HEATR1: variants seen among roughly 807,000 people sequenced by gnomAD.
The protein encoded by HEATR1 is HEAT repeat-containing protein 1.
A neutral mutation model predicts 248.2 loss-of-function variants in HEATR1; 77 were observed. The ratio of observed to expected loss-of-function variants is 0.31; its 90% CI spans 0.26 to 0.37. HEATR1 has a LOEUF of 0.37. HEATR1 is among the 10% of genes least tolerant of loss of function. The pLI is 1.00. For synonymous variants in HEATR1, 897 were observed against 923.1 expected (o/e 0.97, Z 0.51); for missense variants, 2,420 against 2,504.9 (o/e 0.97, Z 0.72).
At position 236,563,272 on chromosome 1, in the gene HEATR1, CTTTTTTTTA is replaced by C. The variant is rs529003936; in HGVS notation, c.4599+1217_4599+1225del. Among the ~76,000 whole-genome samples the C allele has an allele frequency of 3.3e-3, 500 of 151,798 alleles. 4 individuals are homozygous for C. Among genetic ancestry groups the C allele is most frequent in the Middle Eastern group, 0.01 (3 of 294 alleles). On this transcript the variant is annotated intron_variant, in intron 32 of 44. Coordinates refer to ENST00000366582, the MANE Select transcript of HEATR1 (RefSeq NM_018072.6). ...CTGCACTGCTGAGAGGAGTTTTTTC[CTTTTTTTTA>C]TTTTTTTTATTTTTTCAGACAGAAT...
intron 2 of HEATR1, 59 bp downstream of exon 2, chr1:236,603,894 AC>A: frequency 1.9e-6 from 3 of 1,556,502 alleles, no homozygotes; most frequent in Non-Finnish European, 2.6e-6. Context: ...AAAAAAAAAA[AC>A]AGTAACATCC....
Position 236,586,343 on chromosome 1 carries a change from T to C in HEATR1, c.1825A>G (p.Ile609Val), listed in dbSNP as rs1255429441. The change falls in exon 15 of 45, where the codon ATC (isoleucine) becomes GTC (valine). Residue 609 changes from isoleucine (I) to valine (V), a missense_variant. By Grantham distance (29) the Ile-to-Val change is conservative (BLOSUM62 3). Coordinates refer to ENST00000366582, the MANE Select transcript of HEATR1 (RefSeq NM_018072.6). ...VVVCLLPFMV[I>V]NNDDTESAEM... ...GCAGATTCCGTATCATCATTATTGA[T>C]AACCATAAATGGCAGCAAACATACA... 1 of 1,613,054 alleles carries C rather than the reference T, an allele frequency of 6.2e-7. No individual in the cohort carries two copies. The highest frequency in any genetic ancestry group is 8.5e-7 in the Non-Finnish European group (1 of 1,179,090).
intron 13 of HEATR1, 69 bp from the exon 14 acceptor site, chr1:236,587,559 G>A (rs1663928401): frequency 1.8e-5 from 11 of 610,192 alleles, no homozygotes; most frequent in East Asian, 6.4e-5. Context: ...TTTTAAATGC[G>A]AATTTTAAAA....
At position 236,580,824 on chromosome 1, in the gene HEATR1, A is replaced by ATTTTTTTTTTTTT. The variant is rs71178327; in HGVS notation, c.2755+385_2755+397dup. ...AAGCCACCTCGCCTGGCCTTTATCG[A>ATTTTTTTTTTTTT]TTTTTTTTTTTTTTGAGATGGAGTC... On this transcript the variant is annotated intron_variant, in intron 20 of 44. Coordinates refer to ENST00000366582, the MANE Select transcript of HEATR1 (RefSeq NM_018072.6). Among the ~76,000 whole-genome samples the ATTTTTTTTTTTTT allele has an allele frequency of 6.6e-4, 84 of 126,628 alleles. 1 individual carries two copies. Among genetic ancestry groups the ATTTTTTTTTTTTT allele is most frequent in the Middle Eastern group, 4.6e-3 (1 of 218 alleles). The allele number at this position is 126,628 out of a possible 152,430, so 83.1% of individuals were successfully genotyped here. A position where few individuals can be genotyped will look rare whatever the true frequency, so the allele number is the denominator to read the frequency against.
chr1:236,579,843 T>C (rs1663661160), intron 20 of HEATR1, among the ~76,000 whole-genome samples: 1 of 151,752 alleles, frequency 6.6e-6, no homozygotes, highest in African/African-American at 2.4e-5. Flanking sequence ...TAACAAAAAA[T>C]AAACACTGAG....
chr1:236,577,039 A>G, intron 20 of HEATR1, 90 bp from the exon 21 acceptor site: 1 of 1,013,936 alleles, frequency 9.9e-7, no homozygotes, highest in Non-Finnish European at 1.4e-6. Context: ...CTTGATAAAA[A>G]GTTTCCCTTC....
chr1:236,582,145 C>T (rs1663766681), intron 19 of HEATR1, among the ~76,000 whole-genome samples: 1 of 152,142 alleles, frequency 6.6e-6, no homozygotes, highest in African/African-American at 2.4e-5. Flanking sequence ...CGCTCTGTCG[C>T]CCAGGCTGGA....
chr1:236,584,539 A>G (rs1663835169), intron 17 of HEATR1, among the ~76,000 whole-genome samples: 1 of 152,224 alleles, frequency 6.6e-6, no homozygotes, highest in African/African-American at 2.4e-5. Flanking sequence ...CTACCTCAAA[A>G]CATGTCAAAT....
rs753700598 is a variant in HEATR1, at chr1:236,576,272, G to A, written c.3031C>T (p.Pro1011Ser). Residue 1011 changes from proline (P) to serine (S), a missense_variant, in exon 22 of 45, where the codon CCA (proline) becomes TCA (serine). Physicochemically the swap from Pro to Ser is moderately conservative, Grantham distance 74. Transcript: ENST00000366582. ...KNLLSCVYSCPSYIAKDLMKV... is the reference protein window; with the variant it reads ...KNLLSCVYSCSSYIAKDLMKV... ...ATCAAATCTTTTGCTATATAAGATGGGCAACTATACACACAACTAAGTAAG... is the reference window on the plus strand; with the variant it reads ...ATCAAATCTTTTGCTATATAAGATGAGCAACTATACACACAACTAAGTAAG... The A allele has an allele frequency of 5.6e-6, 9 of 1,609,138 alleles. No individual in the cohort carries two copies. The highest frequency in any genetic ancestry group is 3.3e-4 in the Middle Eastern group (2 of 6,036).
intron 28 of HEATR1, among the ~76,000 whole-genome samples, chr1:236,569,352 C>A (rs1350815079): frequency 6.6e-6 from 1 of 151,790 alleles, no homozygotes; most frequent in African/African-American, 2.4e-5. Context: ...ATTTTTTTTC[C>A]TTTTCTGTTT....
At chr1:236,595,346 C>T (rs191079042) in intron 8 of HEATR1, among the ~76,000 whole-genome samples, 194 bp downstream of exon 8, 7 of 152,196 alleles carry the variant, frequency 4.6e-5, no homozygotes, top group African/African-American at 1.4e-4. Flanking sequence ...AGAAATTACT[C>T]AATTAACAAT....
intron 42 of HEATR1, among the ~76,000 whole-genome samples, chr1:236,554,336 G>A (rs556826372): frequency 2.6e-5 from 4 of 152,236 alleles, no homozygotes; most frequent in South Asian, 2.1e-4. Context: ...AGGTTGCAGC[G>A]AGCCGAGATT....
chr1:236,582,102 TATTTA>T (rs1334621951), intron 19 of HEATR1, among the ~76,000 whole-genome samples: 2 of 152,082 alleles, frequency 1.3e-5, no homozygotes, highest in African/African-American at 4.8e-5. Context: ...AGTATCTTTT[TATTTA>T]TTTATTATTT....
chr1:236,553,459 G>A, intron 43 of HEATR1, 122 bp downstream of exon 43: 2 of 1,015,734 alleles, frequency 2.0e-6, no homozygotes. Flanking sequence ...AGTACTGGAT[G>A]ACAAATAGCA....
intron 28 of HEATR1, among the ~76,000 whole-genome samples, 197 bp from the exon 29 acceptor site, chr1:236,569,321 G>A (rs900500125): frequency 2.6e-5 from 4 of 152,068 alleles, no homozygotes; most frequent in African/African-American, 9.7e-5. Context: ...GACTACAGGT[G>A]CATGCTACCC....
intron 22 of HEATR1, 40 bp downstream of exon 22, chr1:236,576,179 A>G (rs905954114): frequency 2.0e-6 from 3 of 1,464,460 alleles, no homozygotes; most frequent in African/African-American, 2.9e-5. Flanking sequence ...ATTCTTTAGT[A>G]ACATCACAGG....
chr1:236,582,345 A>G (rs1482323114), intron 19 of HEATR1, among the ~76,000 whole-genome samples: 1 of 151,422 alleles, frequency 6.6e-6, no homozygotes, highest in Non-Finnish European at 1.5e-5. Context: ...TGACCTCGTG[A>G]TCCACCCACC....
At chr1:236,599,646 T>G (rs375679445) in intron 3 of HEATR1, 22 bp from the exon 4 acceptor site, 3 of 1,585,044 alleles carry the variant, frequency 1.9e-6, no homozygotes, top group Non-Finnish European at 2.6e-6. Context: ...AAGCAAACAG[T>G]CCAACTGAAC....
chr1:236,551,163 C>T, intron 44 of HEATR1, 173 bp from the exon 45 acceptor site: 2 of 564,278 alleles, frequency 3.5e-6, no homozygotes. Context: ...CTCCACACCG[C>T]TCCTTCCGCC....
Sources: allele counts gnomAD v4.1 joint callset (sites outside exome capture counted in the v4.1 genomes callset), GRCh38; gene constraint gnomAD v4.1.1; transcripts MANE v1.5; gene names NCBI Gene and HGNC (gene_info 2026-07-23, HGNC 2026-07-21).